The following TRUB2 variants were observed in gnomAD, a reference collection of about 807,000 sequenced individuals.
TRUB2 encodes the protein pseudouridylate synthase TRUB2, mitochondrial.
A neutral mutation model predicts 31.9 loss-of-function variants in TRUB2; 31 were observed. The ratio of observed to expected loss-of-function variants is 0.97; its 90% CI spans 0.73 to 1.31. The LOEUF (loss-of-function observed/expected upper bound fraction) is 1.31, where lower values mean the gene tolerates loss of function less well. TRUB2 is among the 50% of genes most tolerant of loss of function. The pLI is 0.00. For synonymous variants in TRUB2, 201 were observed against 182.6 expected (o/e 1.10, Z -0.81); for missense variants, 451 against 439.6 (o/e 1.03, Z -0.23).
rs150599940 is a variant in TRUB2 at position 128,321,713 on chromosome 9, G to A, written c.127C>T (p.Pro43Ser). Reference protein sequence around the residue: ...QLLKGLNARKPPAPKQRVRFL... With the variant: ...QLLKGLNARKSPAPKQRVRFL... ...CGAACACGCTGTTTAGGAGCGGGAGGCTTCCTGGCATTGAGACCTGAACAC... is the reference window on the plus strand; with the variant it reads ...CGAACACGCTGTTTAGGAGCGGGAGACTTCCTGGCATTGAGACCTGAACAC... Residue 43 changes from proline to serine, a missense_variant, in exon 2 of 8, where the codon CCT becomes TCT. Transcript: ENST00000372890. 11 of 1,613,458 alleles carry A rather than the reference G, an allele frequency of 6.8e-6. No individual in the cohort carries two copies. In the Admixed American group the frequency reaches 1.7e-4, roughly 24 times the overall value.
intron 1 of TRUB2, 150 bp downstream of exon 1, chr9:128,322,150 G>T (rs1415872350): frequency 4.7e-6 from 3 of 636,518 alleles, no homozygotes; most frequent in Admixed American, 2.8e-5. Context: ...GGAAAGTGAG[G>T]AGTAAGAAAG....
chr9:128,306,330 T>G lies in TRUB2; in HGVS notation c.*3220A>C, dbSNP rs991899358. The G allele has an allele frequency of 6.6e-6, 1 of 152,054 alleles. No homozygotes were observed. Among genetic ancestry groups the G allele is most frequent in the African/African-American group, 2.4e-5 (1 of 41,422 alleles). The allele number at this position is 152,054 out of a possible 1,614,324, so 9.4% of individuals were successfully genotyped here. ...CCATGTGCCCTACGTTCAAGTTACC[T>G]AATTTTTCCAAAGAACTGAGTTTTG... On this transcript the variant is annotated 3_prime_UTR_variant, in exon 8 of 8. Coordinates refer to ENST00000372890, the MANE Select transcript of TRUB2 (RefSeq NM_015679.3).
intron 5 of TRUB2, among the ~76,000 whole-genome samples, chr9:128,313,452 C>T (rs1405326536): frequency 2.1e-5 from 3 of 144,800 alleles, no homozygotes; most frequent in Non-Finnish European, 3.0e-5. Flanking sequence ...AGGAGAATGG[C>T]GTGAACCCGG....
At chr9:128,312,218 A>G (rs983854971) in intron 5 of TRUB2, among the ~76,000 whole-genome samples, 2 of 150,402 alleles carry the variant, frequency 1.3e-5, no homozygotes, top group African/African-American at 4.9e-5. Context: ...GCTCACTACA[A>G]GCTCCGCCTC....
At position 128,307,305 on chromosome 9, in the gene TRUB2, G is replaced by A. The variant is rs974394830; in HGVS notation, c.*2245C>T. ...GGAAAAAAATATTTAGCCAGGCATC[G>A]TGGTGCACGCCTGTAGTCCCAGCTA... is the stretch of plus-strand genomic sequence containing the variant. On this transcript the variant is annotated 3_prime_UTR_variant, in exon 8 of 8. Coordinates refer to ENST00000372890, the MANE Select transcript of TRUB2 (RefSeq NM_015679.3). 1 of 151,708 alleles carries A rather than the reference G, an allele frequency of 6.6e-6. No homozygotes were observed. Among genetic ancestry groups the A allele is most frequent in the Non-Finnish European group, 1.5e-5 (1 of 68,018 alleles). The allele number at this position is 151,708 out of a possible 1,614,324, so 9.4% of individuals were successfully genotyped here. A position where few individuals can be genotyped will look rare whatever the true frequency, so the allele number is the denominator to read the frequency against.
In TRUB2 at chr9:128,305,256, T is replaced by G. The variant is rs1471203104; in HGVS notation, c.*4294A>C. On this transcript the variant is annotated 3_prime_UTR_variant, in exon 8 of 8. Transcript: ENST00000372890. ...AAGCTGAGGTTCCACCCAGGCCCTT[T>G]GGCTGTGAAAGCCAAGATGAGTAGC... 1 of 152,260 alleles carries G rather than the reference T, an allele frequency of 6.6e-6. No individual in the cohort carries two copies. The highest frequency in any genetic ancestry group is 1.5e-5 in the Non-Finnish European group (1 of 68,070). 9.4% of individuals were successfully genotyped at this position (152,260 alleles called of 1,614,324 possible).
At chr9:128,321,479 TAC>T (rs2131457533) in intron 2 of TRUB2, 118 bp downstream of exon 2, 2 of 1,529,698 alleles carry the variant, frequency 1.3e-6, no homozygotes, top group South Asian at 2.4e-5. Flanking sequence ...CCTGGTCTAA[TAC>T]CTCACTCCTC....
intron 1 of TRUB2, 132 bp from the exon 2 acceptor site, chr9:128,321,862 G>T: frequency 3.9e-6 from 4 of 1,031,302 alleles, no homozygotes; most frequent in East Asian, 2.6e-5. Context: ...TCACTGTAAC[G>T]TCAAACTCTT....
rs1283715482 is a variant in TRUB2, at chr9:128,321,659, C to G, written c.181G>C (p.Glu61Gln). 1.2e-6 allele frequency: 2 copies of G among 1,613,868 alleles called. No homozygotes were observed. Among genetic ancestry groups the G allele is most frequent in the Admixed American group, 3.3e-5 (2 of 60,008 alleles). Residue 61 changes from glutamate (E) to glutamine (Q), a missense_variant, in exon 2 of 8, where the codon GAA becomes CAA. Glu to Gln is a conservative substitution (Grantham distance 29, BLOSUM62 2). Transcript: ENST00000372890. ...GCTGTGAGGGTCAGCTCCTTCTCTT[C>G]GCTGCCTTCCATGGGGCCCAGCAAG... ...RFLLGPMEGS[E>Q]EKELTLTATS... is the part of the protein sequence containing the mutation.
In TRUB2 at chr9:128,305,624, A is replaced by C. The variant is rs1186907273; in HGVS notation, c.*3926T>G. 1 of 152,154 alleles carries C rather than the reference A, an allele frequency of 6.6e-6. No homozygotes were observed. Among genetic ancestry groups the C allele is most frequent in the Non-Finnish European group, 1.5e-5 (1 of 68,064 alleles). 9.4% of individuals were successfully genotyped at this position (152,154 alleles called of 1,614,324 possible). ...GGCTGGTCTCGAACTCCTGACCTCA[A>C]GTGATTCACCTGCTTTGGCTTCCCA... On this transcript the variant is annotated 3_prime_UTR_variant, in exon 8 of 8. Transcript: ENST00000372890.
Position 128,315,569 on chromosome 9 carries a change from T to C in TRUB2, c.376A>G (p.Lys126Glu). The change falls in exon 4 of 8, where the codon AAG becomes GAG. Residue 126 changes from lysine (K) to glutamate (E), a missense_variant and splice_region_variant. Lys to Glu is a moderately conservative substitution (Grantham distance 56). Coordinates refer to ENST00000372890, the MANE Select transcript of TRUB2 (RefSeq NM_015679.3). ...LTDMYNAHLT[K>E]DYTVRGLLGK... ...AGGCTGTCCCCAGACCCTCGTACCT[T>C]GGTAAGATGAGCATTGTACATATCG... 6.2e-7 allele frequency: 1 copy of C among 1,613,446 alleles called. No homozygotes were observed. The highest frequency in any genetic ancestry group is 8.5e-7 in the Non-Finnish European group (1 of 1,179,772).
chr9:128,318,947 C>A (rs1227878645), intron 2 of TRUB2, among the ~76,000 whole-genome samples: 2 of 151,832 alleles, frequency 1.3e-5, no homozygotes, highest in Non-Finnish European at 2.9e-5. Context: ...TTTGAGACGC[C>A]GAGGCAGGCA....
Position 128,306,268 on chromosome 9 carries a change from A to T in TRUB2, c.*3282T>A, listed in dbSNP as rs540766944. The T allele has an allele frequency of 6.6e-6, 1 of 152,156 alleles. No individual in the cohort carries two copies. Among genetic ancestry groups the T allele is most frequent in the African/African-American group, 2.4e-5 (1 of 41,522 alleles). 9.4% of individuals were successfully genotyped at this position (152,156 alleles called of 1,614,324 possible). ...CACAGAGTCCACTTTTATCATCTCT[A>T]TGCCAATAAGGGCTCTAAATGGGGT... is the stretch of plus-strand genomic sequence containing the variant. On this transcript the variant is annotated 3_prime_UTR_variant, in exon 8 of 8. Transcript: ENST00000372890.
At position 128,315,577 on chromosome 9, in the gene TRUB2, T is replaced by C; in HGVS notation, c.368A>G (p.His123Arg). The part of the protein sequence containing the change: ...CRLLTDMYNA[H>R]LTKDYTVRGL... The stretch of plus-strand genomic sequence containing the variant: ...CCCAGACCCTCGTACCTTGGTAAGA[T>C]GAGCATTGTACATATCGGTGAGGAG... The change falls in exon 4 of 8, where the codon CAT becomes CGT. Residue 123 changes from histidine to arginine, a missense_variant. Physicochemically the swap from His to Arg is conservative, Grantham distance 29 (BLOSUM62 0). Transcript: ENST00000372890. 6.2e-7 allele frequency: 1 copy of C among 1,612,588 alleles called. No homozygotes were observed. The highest frequency in any genetic ancestry group is 1.1e-5 in the South Asian group (1 of 91,006).
rs546584893 is a variant in TRUB2, at chr9:128,309,318, C to A, written c.*232G>T. On this transcript the variant is annotated 3_prime_UTR_variant, in exon 8 of 8. Coordinates refer to ENST00000372890, the MANE Select transcript of TRUB2 (RefSeq NM_015679.3). ...CTGGGATTACAAGTGCCCGCCACCA[C>A]GCCTGGTCTGCCAATACTTTCTATC... 1 of 535,700 alleles carries A rather than the reference C, an allele frequency of 1.9e-6. No homozygotes were observed. Among genetic ancestry groups the A allele is most frequent in the East Asian group, 3.1e-5 (1 of 32,036 alleles). The allele number at this position is 535,700 out of a possible 1,614,324, so 33.2% of individuals were successfully genotyped here.
At position 128,309,754 on chromosome 9, in the gene TRUB2, C is replaced by T. The variant is rs373645870; in HGVS notation, c.792G>A (p.Thr264=). 4.0e-4 allele frequency: 645 copies of T among 1,614,224 alleles called. 10 individuals carry two copies. In the South Asian group the frequency reaches 6.2e-3, roughly 15 times the overall value. Residue 264 remains threonine, a synonymous_variant, in exon 8 of 8, where the codon ACG becomes ACA. Transcript: ENST00000372890. The part of the protein sequence containing the change: ...QVRRTRDGFF[T]LDSALLRTQW... ...GGGTCCTCAGGAGGGCACTGTCTAG[C>T]GTGAAGAAGCCGTCGCGCGTGCGCC...
In TRUB2 at chr9:128,320,104, G is replaced by A. The variant is rs1432183804; in HGVS notation, c.241+1495C>T. 3.3e-5 allele frequency among the ~76,000 whole-genome samples: 5 copies of A among 151,262 alleles called. No homozygotes were observed. The East Asian group carries it at 7.8e-4, about 24-fold the overall frequency. ...CTAATTTCTTTGTATTTTTAGTAGA[G>A]ACAGGGTATCACCGTATTAGCCAGG... On this transcript the variant is annotated intron_variant, in intron 2 of 7. Transcript: ENST00000372890.
rs1175324110 is a variant in TRUB2 at position 128,309,618 on chromosome 9, G to C, written c.928C>G (p.Pro310Ala). 1 of 1,614,088 alleles carries C rather than the reference G, an allele frequency of 6.2e-7. No homozygotes were observed. Among genetic ancestry groups the C allele is most frequent in the Non-Finnish European group, 8.5e-7 (1 of 1,180,014 alleles). ...CCCTGGGAGTCCCAGGACCATCCCG[G>C]ACTGGGGAGCTGCTTGGTGTCCAGC... Reference protein sequence around the residue: ...PGLDTKQLPSPGWSWDSQGPS... With the variant: ...PGLDTKQLPSAGWSWDSQGPS... Residue 310 changes from proline to alanine, a missense_variant, in exon 8 of 8, where the codon CCG (proline) becomes GCG (alanine). Coordinates refer to ENST00000372890, the MANE Select transcript of TRUB2 (RefSeq NM_015679.3).
Position 128,308,584 on chromosome 9 carries a change from CTTTG to C in TRUB2, c.*962_*965del, listed in dbSNP as rs1472525171. On this transcript the variant is annotated 3_prime_UTR_variant, in exon 8 of 8. Coordinates refer to ENST00000372890, the MANE Select transcript of TRUB2 (RefSeq NM_015679.3). ...ACATTTCAATCAGTCAATGGGTAGA[CTTTG>C]AGTCACGCTGATTATCCACCACAAT... The C allele has an allele frequency of 6.6e-6, 1 of 151,908 alleles. No individual in the cohort carries two copies. The highest frequency in any genetic ancestry group is 1.5e-5 in the Non-Finnish European group (1 of 68,016). 9.4% of individuals were successfully genotyped at this position (151,908 alleles called of 1,614,324 possible).
Sources: allele counts gnomAD v4.1 joint callset (sites outside exome capture counted in the v4.1 genomes callset), GRCh38; gene constraint gnomAD v4.1.1; transcripts MANE v1.5; gene names NCBI Gene and HGNC (gene_info 2026-07-23, HGNC 2026-07-21).